The following NUP85 variants were observed in gnomAD, a reference collection of about 807,000 sequenced individuals.
NUP85 encodes the protein nuclear pore complex protein Nup85.
NUP85 carries 23 observed loss-of-function variants against 92.8 expected under a neutral mutation model. The observed-to-expected ratio is 0.25, with a 90% CI of 0.18 to 0.35. The LOEUF is 0.35. NUP85 is among the 10% of genes least tolerant of loss of function. The probability of loss-of-function intolerance (pLI) is 1.00; values close to 1 mark genes in which losing one functional copy is unlikely to be tolerated. For synonymous variants in NUP85, 314 were observed against 306.9 expected (o/e 1.02, Z -0.24); for missense variants, 759 against 822.8 (o/e 0.92, Z 0.95).
intron 1 of NUP85, 178 bp from the exon 2 acceptor site, chr17:75,208,349 G>A: frequency 1.7e-6 from 1 of 600,308 alleles, no homozygotes; most frequent in Non-Finnish European, 3.0e-6. Context: ...GGAGGTTGAG[G>A]CAGGAGAAGC....
At chr17:75,222,760 G>A (rs988032318) in intron 7 of NUP85, among the ~76,000 whole-genome samples, 1 of 152,144 alleles carries the variant, frequency 6.6e-6, no homozygotes, top group East Asian at 1.9e-4. Flanking sequence ...AGTCAGCCAG[G>A]CGCAGTGGCT....
intron 11 of NUP85, among the ~76,000 whole-genome samples, chr17:75,230,412 T>G (rs1200541324): frequency 6.8e-6 from 1 of 146,540 alleles, no homozygotes; most frequent in Non-Finnish European, 1.5e-5. Flanking sequence ...CAGGCCGGAG[T>G]ACAATGGCGC....
Position 75,208,595 on chromosome 17 carries a change from A to T in NUP85, c.102A>T (p.Val34=). 1.9e-6 allele frequency: 3 copies of T among 1,603,226 alleles called. No homozygotes were observed. Among genetic ancestry groups the T allele is most frequent in the Non-Finnish European group, 2.6e-6 (3 of 1,170,876 alleles). ...ACTGGGGTCCAGGGGAGATGCTGGTATGTGAAACCTCCTTCAACAAAAAAG... is the reference window on the plus strand; with the variant it reads ...ACTGGGGTCCAGGGGAGATGCTGGTTTGTGAAACCTCCTTCAACAAAAAAG... The part of the protein sequence containing the change: ...YFDWGPGEML[V]CETSFNKKEK... The change falls in exon 2 of 19, where the codon GTA becomes GTT. Residue 34 remains valine, a synonymous_variant. Coordinates refer to ENST00000245544, the MANE Select transcript of NUP85 (RefSeq NM_024844.5).
chr17:75,212,004 G>A lies in NUP85; in HGVS notation c.303G>A (p.Val101=), dbSNP rs775013031. ...GKSRKSQLVR[V]SKNYRSVIRA... ...TCATTTTTTGTAGATTGGTTCGAGTGAGTAAAAACTACCGATCAGTCATCA... is the reference window on the plus strand; with the variant it reads ...TCATTTTTTGTAGATTGGTTCGAGTAAGTAAAAACTACCGATCAGTCATCA... Residue 101 remains valine, a synonymous_variant, in exon 4 of 19, where the codon GTG becomes GTA. Transcript: ENST00000245544. 2.0e-5 allele frequency: 33 copies of A among 1,613,236 alleles called. No homozygotes were observed. Among genetic ancestry groups the A allele is most frequent in the Non-Finnish European group, 2.8e-5 (33 of 1,179,620 alleles).
intron 16 of NUP85, 82 bp from the exon 17 acceptor site, chr17:75,234,555 A>T: frequency 6.9e-7 from 1 of 1,446,768 alleles, no homozygotes; most frequent in Non-Finnish European, 9.6e-7. Context: ...TCTCCTGTTT[A>T]GGGCCAGGGT....
At position 75,235,666 on chromosome 17, in the gene NUP85, T is replaced by C. The variant is rs753694107; in HGVS notation, c.1958T>C (p.Leu653Pro). The C allele has an allele frequency of 1.1e-5, 18 of 1,613,170 alleles. No individual in the cohort carries two copies. Among genetic ancestry groups the C allele is most frequent in the Non-Finnish European group, 1.4e-5 (17 of 1,179,166 alleles). ...LARAIIREGS[L>P]EGS ...CGGGCAATTATAAGAGAAGGCTCAC[T>C]GGAAGGTTCCTGAGAACTGCTTCAA... The change falls in exon 19 of 19, where the codon CTG becomes CCG. Residue 653 changes from leucine to proline, a missense_variant. Leu to Pro is a moderately conservative substitution (Grantham distance 98). Coordinates refer to ENST00000245544, the MANE Select transcript of NUP85 (RefSeq NM_024844.5).
At chr17:75,234,939 A>G in intron 17 of NUP85, 151 bp downstream of exon 17, 2 of 1,090,396 alleles carry the variant, frequency 1.8e-6, no homozygotes, top group Non-Finnish European at 2.8e-6. Flanking sequence ...TTCCAGACTC[A>G]CACAGGAAAC....
chr17:75,235,337 C>T, intron 18 of NUP85, 136 bp downstream of exon 18: 1 of 636,770 alleles, frequency 1.6e-6, no homozygotes, highest in Admixed American at 3.0e-5. Flanking sequence ...CTGTGTAATT[C>T]ACACACCACC....
chr17:75,222,041 TTTTG>T (rs3047550), intron 7 of NUP85, among the ~76,000 whole-genome samples: 97,444 of 151,014 alleles, frequency 0.65, 35,042 homozygotes, highest in East Asian at 0.86. Context: ...GTGTGTTTTG[TTTTG>T]TTTGTTTGTT....
At chr17:75,222,022 CGTG>C (rs1568080047) in intron 7 of NUP85, among the ~76,000 whole-genome samples, 1 of 132,304 alleles carries the variant, frequency 7.6e-6, no homozygotes, top group African/African-American at 2.5e-5. Context: ...ATGTTTCTCT[CGTG>C]TGTGTGTGTG....
chr17:75,229,344 A>G (rs955158740), intron 11 of NUP85, among the ~76,000 whole-genome samples: 1 of 152,160 alleles, frequency 6.6e-6, no homozygotes, highest in Non-Finnish European at 1.5e-5. Flanking sequence ...GGGCCTGGGT[A>G]AGGAGTTGAC....
chr17:75,224,570 C>T (rs1013755652), intron 7 of NUP85, among the ~76,000 whole-genome samples: 2 of 151,994 alleles, frequency 1.3e-5, no homozygotes, highest in Non-Finnish European at 2.9e-5. Context: ...TGGTGGCTCA[C>T]GCCTGTAATC....
At chr17:75,217,195 G>A (rs1385892957) in intron 6 of NUP85, among the ~76,000 whole-genome samples, 2 of 152,100 alleles carry the variant, frequency 1.3e-5, no homozygotes, top group East Asian at 3.9e-4. Flanking sequence ...AAGTAGCTGG[G>A]ACCACAGGCC....
intron 7 of NUP85, among the ~76,000 whole-genome samples, chr17:75,223,859 A>G (rs913527134): frequency 3.9e-5 from 6 of 152,066 alleles, no homozygotes; most frequent in African/African-American, 1.4e-4. Flanking sequence ...TCAGAGAAAA[A>G]CCATTTTCTC....
chr17:75,230,184 A>AG (rs1399307338), intron 11 of NUP85, among the ~76,000 whole-genome samples: 2 of 151,596 alleles, frequency 1.3e-5, no homozygotes, highest in African/African-American at 4.9e-5. Context: ...CTGGGACCAC[A>AG]GGCACACGCC....
intron 5 of NUP85, among the ~76,000 whole-genome samples, chr17:75,213,862 GTTTTTT>G (rs55973643): frequency 8.2e-6 from 1 of 122,014 alleles, no homozygotes; most frequent in Non-Finnish European, 1.7e-5. Flanking sequence ...CAAAACTCAA[GTTTTTT>G]TTTTTTTTTT....
intron 5 of NUP85, among the ~76,000 whole-genome samples, chr17:75,214,937 C>T (rs974905451): frequency 4.6e-5 from 7 of 151,848 alleles, no homozygotes; most frequent in Non-Finnish European, 8.8e-5. Flanking sequence ...TTTGGGAGGC[C>T]GAGGCAGGTG....
chr17:75,232,772 C>T (rs1296910663), intron 14 of NUP85, 79 bp from the exon 15 acceptor site: 7 of 1,298,272 alleles, frequency 5.4e-6, no homozygotes, highest in Non-Finnish European at 7.8e-6. Flanking sequence ...GCTGTGAGGC[C>T]ACTCCGGTCC....
chr17:75,233,568 C>T (rs560919737), intron 16 of NUP85, among the ~76,000 whole-genome samples: 30 of 150,208 alleles, frequency 2.0e-4, no homozygotes, highest in African/African-American at 5.6e-4. Flanking sequence ...ATTACAGGCA[C>T]GCGGAACCAC....
Sources: allele counts gnomAD v4.1 joint callset (sites outside exome capture counted in the v4.1 genomes callset), GRCh38; gene constraint gnomAD v4.1.1; transcripts MANE v1.5; gene names NCBI Gene and HGNC (gene_info 2026-07-23, HGNC 2026-07-21).